MEG3: variants seen among roughly 807,000 people sequenced by gnomAD.
MEG3 encodes the protein maternally expressed 3, also known as Very putative protein from MEG3 locus.
upstream of MEG3, chr14:100,852,585 C>T (rs1187192748): frequency 1.1e-5 from 4 of 362,302 alleles, no homozygotes; most frequent in East Asian, 3.0e-4. Context: ...GAAGCTTCTC[C>T]CTGACAAGCT....
intron 2 of MEG3, among the ~76,000 whole-genome samples, chr14:100,841,587 C>T (rs1367097032): frequency 2.6e-5 from 4 of 152,302 alleles, no homozygotes; most frequent in South Asian, 2.1e-4. Flanking sequence ...GGCAGCAGGC[C>T]CTGGAGGTGA....
chr14:100,845,680 G>A lies in MEG3; in HGVS notation n.3121+147G>A, dbSNP rs958168425. 13 of 327,342 alleles carry A rather than the reference G, an allele frequency of 4.0e-5. 1 individual carries two copies. In the East Asian group the frequency reaches 5.6e-4, roughly 14 times the overall value. 20.3% of individuals were successfully genotyped at this position (327,342 alleles called of 1,614,324 possible). On this transcript the variant is annotated intron_variant and non_coding_transcript_variant, in intron 3 of 3. Coordinates refer to the MEG3 transcript ENST00000398461. This position sits in a 1 kb window ranked among gnomAD's most constrained non-coding sequence, Gnocchi z 5.2. ...GTGCACCGGGAGGTGGGTGCCCATC[G>A]AGTCAAGCCAAGTGCAGACCTGGGG...
intron 2 of MEG3, among the ~76,000 whole-genome samples, chr14:100,838,772 G>A (rs1052707866): frequency 1.3e-5 from 2 of 152,066 alleles, no homozygotes; most frequent in African/African-American, 4.8e-5. Context: ...GCACCTGCCC[G>A]CCCTGGGTGG....
At chr14:100,835,712 C>G (rs1379640441) in exon 1 of MEG3, 1 of 172,780 alleles carries the variant, frequency 5.8e-6, no homozygotes. Flanking sequence ...AGGAGCCACT[C>G]CCACTCCAGC....
At chr14:100,834,822 A>T (rs2037511531) in exon 1 of MEG3, 1 of 456,538 alleles carries the variant, frequency 2.2e-6, no homozygotes, top group Non-Finnish European at 4.4e-6. Context: ...TTCTAGGTGC[A>T]AAGGCTGGAG....
downstream of MEG3, chr14:100,830,704 C>T (rs1052456040): frequency 1.3e-5 from 2 of 152,218 alleles, no homozygotes; most frequent in Non-Finnish European, 2.9e-5. Flanking sequence ...CTCTTGGAAC[C>T]TAATTGGGGT....
chr14:100,844,774 CTA>C (rs2037864682), intron 2 of MEG3, among the ~76,000 whole-genome samples: 1 of 152,080 alleles, frequency 6.6e-6, no homozygotes, highest in Non-Finnish European at 1.5e-5. Flanking sequence ...GTATTCTGAA[CTA>C]TGTTTGGCCC....
At chr14:100,851,532 C>T (rs1451825538) in intron 3 of MEG3, 2 of 152,166 alleles carry the variant, frequency 1.3e-5, no homozygotes, top group South Asian at 2.1e-4. Context: ...TCTTGCAACT[C>T]TCTGCAGTGT....
chr14:100,826,193 C>T (rs900547354), intron 1 of MEG3: 1 of 152,136 alleles, frequency 6.6e-6, no homozygotes, highest in East Asian at 1.9e-4. Flanking sequence ...AGAGCTGGGG[C>T]GCCCACGAGA....
chr14:100,860,290 C>T (rs146235658), exon 1 of MEG3: 11 of 232,088 alleles, frequency 4.7e-5, no homozygotes, highest in South Asian at 4.3e-4. Flanking sequence ...AGGAAGAGAC[C>T]GAGTTTTAGG....
upstream of MEG3, chr14:100,852,448 T>C: frequency 3.7e-6 from 2 of 533,472 alleles, no homozygotes. Flanking sequence ...CTGGGCCTCG[T>C]GGGCCTGATG....
chr14:100,843,414 G>A lies in MEG3; in HGVS notation n.3046-2044G>A, dbSNP rs1237158495. Among the ~76,000 whole-genome samples the A allele has an allele frequency of 3.9e-5, 6 of 152,260 alleles. No homozygotes were observed. The South Asian group carries it at 6.2e-4, about 16-fold the overall frequency. Reference sequence around the variant, plus strand: ...CAGTCTCGGAGGGAGGGTGGGAAACGGTCTCGAGTGGTGGTCAGTAGATAA... The same window carrying A: ...CAGTCTCGGAGGGAGGGTGGGAAACAGTCTCGAGTGGTGGTCAGTAGATAA... On this transcript the variant is annotated intron_variant and non_coding_transcript_variant, in intron 2 of 3. Transcript: ENST00000398461.
chr14:100,837,294 G>A lies in MEG3; in HGVS notation n.3045+994G>A, dbSNP rs2139960021. Among the ~76,000 whole-genome samples, 1 of 152,312 alleles carries A rather than the reference G, an allele frequency of 6.6e-6. No individual in the cohort carries two copies. Among genetic ancestry groups the A allele is most frequent in the East Asian group, 1.9e-4 (1 of 5,168 alleles). On this transcript the variant is annotated intron_variant and non_coding_transcript_variant, in intron 2 of 3. Coordinates refer to the MEG3 transcript ENST00000398461. The surrounding 1 kb of genome is among the most constrained non-coding windows in gnomAD (Gnocchi z 5.8). ...AGGGACTGAGTCTGTGGCTCACTCA[G>A]GGCGATGGGGTGTTTTTAGAGCCAC...
chr14:100,841,469 G>A (rs1225967026), intron 2 of MEG3, among the ~76,000 whole-genome samples: 1 of 152,248 alleles, frequency 6.6e-6, no homozygotes, highest in African/African-American at 2.4e-5. Context: ...GGTCTTTGGA[G>A]TTGTTGGGAC....
chr14:100,855,110 A>G (rs1260708271), upstream of MEG3: 1 of 152,540 alleles, frequency 6.6e-6, no homozygotes, highest in Admixed American at 6.5e-5. Context: ...CCATCCCTCT[A>G]CTATAGCACT....
At chr14:100,848,329 C>T (rs1369675083) in intron 3 of MEG3, 1 of 152,280 alleles carries the variant, frequency 6.6e-6, no homozygotes, top group East Asian at 1.9e-4. Context: ...AGTGGGGCCA[C>T]AGAGAGAGGG....
downstream of MEG3, chr14:100,832,636 A>G (rs1411940796): frequency 6.6e-6 from 1 of 152,556 alleles, no homozygotes; most frequent in East Asian, 1.9e-4. Flanking sequence ...TGATTATCAT[A>G]ATGAGGTGAA....
At chr14:100,843,773 G>A (rs1402691762) in intron 2 of MEG3, among the ~76,000 whole-genome samples, 1 of 151,520 alleles carries the variant, frequency 6.6e-6, no homozygotes, top group Non-Finnish European at 1.5e-5. Flanking sequence ...CGGCAGTCTT[G>A]GGAGCCCCTG....
chr14:100,836,423 C>T (rs1210646707), intron 2 of MEG3: 6 of 427,274 alleles, frequency 1.4e-5, no homozygotes, highest in African/African-American at 2.1e-5. Context: ...GGTGAATTCT[C>T]TTCACATCAG....
Sources: gnomAD v4.1 joint callset for allele counts (sites outside exome capture counted in the v4.1 genomes callset) on GRCh38, gnomAD v4.1.1 for gene constraint, Gnocchi (gnomAD v3.1) non-coding constraint, MANE v1.5 for transcripts, NCBI Gene and HGNC (gene_info 2026-07-23, HGNC 2026-07-21) for gene names.